Variants in ATG4B observed in about 807,000 individuals in gnomAD.
ATG4B encodes the protein autophagy related 4B cysteine peptidase.
A neutral mutation model predicts 56.6 loss-of-function variants in ATG4B; 29 were observed. That is an observed-to-expected ratio of 0.51 (90% CI 0.38 to 0.70). ATG4B has a LOEUF of 0.70. ATG4B is among the 30% of genes least tolerant of loss of function. The probability of loss-of-function intolerance (pLI) is 0.00; values close to 1 mark genes in which losing one functional copy is unlikely to be tolerated. For missense variants in ATG4B, 461 were observed against 515.5 expected, an observed-to-expected ratio of 0.89 and a Z score of 1.02; for synonymous variants, 224 against 206.1, an observed-to-expected ratio of 1.09 and a Z score of -0.74.
intron 5 of ATG4B, 125 bp downstream of exon 5, chr2:241,654,772 A>G: frequency 2.7e-6 from 2 of 740,724 alleles, no homozygotes; most frequent in East Asian, 2.7e-5. Context: ...ACCTGTAAAC[A>G]CTGACCTCTG....
At chr2:241,645,568 T>G (rs528749885) in intron 1 of ATG4B, among the ~76,000 whole-genome samples, 11 of 152,302 alleles carry the variant, frequency 7.2e-5, no homozygotes, top group African/African-American at 2.6e-4. Context: ...GCACCTTGAC[T>G]TGTCCGTTTC....
At chr2:241,660,926 A>G (rs2068571920) in intron 7 of ATG4B, among the ~76,000 whole-genome samples, 3 of 152,198 alleles carry the variant, frequency 2.0e-5, no homozygotes, top group African/African-American at 7.2e-5. Context: ...TGCTGGGTGC[A>G]GTGGCCAGGA....
chr2:241,660,858 G>A (rs770086922), intron 7 of ATG4B, among the ~76,000 whole-genome samples: 2 of 152,118 alleles, frequency 1.3e-5, no homozygotes, highest in Admixed American at 6.5e-5. Flanking sequence ...TTCCGCACGC[G>A]TGCTCAGGAT....
At chr2:241,669,420 CCA>C (rs1201046812) in intron 10 of ATG4B, among the ~76,000 whole-genome samples, 2 of 152,190 alleles carry the variant, frequency 1.3e-5, no homozygotes, top group Non-Finnish European at 2.9e-5. Flanking sequence ...TGGCGCAGCC[CCA>C]GAGTGCACAC....
chr2:241,671,622 A>T, intron 12 of ATG4B: 1 of 1,486,250 alleles, frequency 6.7e-7, no homozygotes, highest in Non-Finnish European at 9.0e-7. Context: ...CTTCCCCACC[A>T]GCGCTGCCTG....
At chr2:241,655,365 C>T (rs369057731) in intron 6 of ATG4B, 22 bp downstream of exon 6, 25 of 1,595,864 alleles carry the variant, frequency 1.6e-5, no homozygotes, top group Non-Finnish European at 1.9e-5. Flanking sequence ...GCTTCCACTG[C>T]TGAGCATGGG....
chr2:241,672,927 G>T lies in ATG4B; in HGVS notation c.*663G>T, dbSNP rs34127355. The T allele has an allele frequency of 0.58, 93,244 of 161,084 alleles. 27,797 individuals are homozygous for T. The highest frequency in any genetic ancestry group is 0.69 in the Middle Eastern group (216 of 312). 10.0% of individuals were successfully genotyped at this position (161,084 alleles called of 1,614,324 possible). On this transcript the variant is annotated 3_prime_UTR_variant, in exon 13 of 13. Coordinates refer to ENST00000404914, the MANE Select transcript of ATG4B (RefSeq NM_013325.5). ...ATGGCGTGCACAGGACACAGCGTGG[G>T]CGGCCTGGGCAGAAGGGCGGCTGGC... is the stretch of plus-strand genomic sequence containing the variant.
chr2:241,639,245 G>C (rs551313085), intron 1 of ATG4B, among the ~76,000 whole-genome samples: 12 of 152,258 alleles, frequency 7.9e-5, no homozygotes. Flanking sequence ...CCAGCGTCCA[G>C]ACAAAGGGAC....
At chr2:241,649,407 AGT>A (rs1245612308) in intron 1 of ATG4B, among the ~76,000 whole-genome samples, 2 of 152,220 alleles carry the variant, frequency 1.3e-5, no homozygotes, top group African/African-American at 4.8e-5. Context: ...TTCTTATTGA[AGT>A]GTGGGGTTGT....
chr2:241,660,007 TG>T (rs1575078366), intron 7 of ATG4B, among the ~76,000 whole-genome samples: 2 of 152,046 alleles, frequency 1.3e-5, no homozygotes, highest in East Asian at 3.9e-4. Flanking sequence ...CTGGCCAACA[TG>T]GTGAAACCCC....
chr2:241,648,727 G>GA (rs1325791318), intron 1 of ATG4B, among the ~76,000 whole-genome samples: 2 of 152,174 alleles, frequency 1.3e-5, no homozygotes, highest in African/African-American at 4.8e-5. Flanking sequence ...ACTACTCTAG[G>GA]AAAGGGGCAG....
At chr2:241,665,812 C>T (rs746831759) in intron 7 of ATG4B, among the ~76,000 whole-genome samples, 77 of 152,216 alleles carry the variant, frequency 5.1e-4, no homozygotes, top group Non-Finnish European at 9.6e-4. Context: ...TATTGGTTGG[C>T]GTTCTGAGAA....
rs2068408766 is a variant in ATG4B, at chr2:241,656,469, TTGC to T, written c.458+1133_458+1135del. Reference sequence around the variant, plus strand: ...CCACACCCTTCCACTCACACTTCTCTTGCTGCTGCCTGGAGTGGCCCCACCAAG... The same window carrying T: ...CCACACCCTTCCACTCACACTTCTCTTGCTGCCTGGAGTGGCCCCACCAAG... On this transcript the variant is annotated intron_variant, in intron 6 of 12. Coordinates refer to ENST00000404914, the MANE Select transcript of ATG4B (RefSeq NM_013325.5). Among the ~76,000 whole-genome samples the T allele has an allele frequency of 5.9e-5, 9 of 152,276 alleles. 1 individual carries two copies. The South Asian group carries it at 1.9e-3, about 32-fold the overall frequency.
Position 241,653,575 on chromosome 2 carries a change from T to C in ATG4B, c.248T>C (p.Phe83Ser). 2 of 1,578,076 alleles carry C rather than the reference T, an allele frequency of 1.3e-6. No homozygotes were observed. The highest frequency in any genetic ancestry group is 1.7e-6 in the Non-Finnish European group (2 of 1,161,868). The change falls in exon 4 of 13, where the codon TTT (phenylalanine) becomes TCT (serine). Residue 83 changes from phenylalanine (F) to serine (S), a missense_variant. Phe to Ser is a radical substitution (Grantham distance 155). Transcript: ENST00000404914. ...GCMLRCGQMI[F>S]AQALVCRHLG... The stretch of plus-strand genomic sequence containing the variant: ...ATGCTGCGGTGTGGACAGATGATCT[T>C]TGCCCAAGCCCTGGTGTGCCGGCAC...
intron 11 of ATG4B, 88 bp downstream of exon 11, chr2:241,670,870 G>C: frequency 7.3e-7 from 1 of 1,369,766 alleles, no homozygotes. Context: ...CCTGCGTCCA[G>C]GTCTCAGGCA....
chr2:241,653,321 A>G (rs2068278373), intron 3 of ATG4B, 191 bp from the exon 4 acceptor site: 1 of 1,549,052 alleles, frequency 6.5e-7, no homozygotes, highest in African/African-American at 1.4e-5. Flanking sequence ...TTGTCGGGAC[A>G]TTTCACTCTC....
chr2:241,651,922 A>T lies in ATG4B; in HGVS notation c.184+587A>T. The T allele has an allele frequency of 7.7e-7, 1 of 1,304,050 alleles. No individual in the cohort carries two copies. The highest frequency in any genetic ancestry group is 1.0e-6 in the Non-Finnish European group (1 of 988,812). The allele number at this position is 1,304,050 out of a possible 1,614,324, so 80.8% of individuals were successfully genotyped here. On this transcript the variant is annotated intron_variant, in intron 3 of 12. Transcript: ENST00000404914. This position sits in a 1 kb window ranked among gnomAD's most constrained non-coding sequence, Gnocchi z 4.1. ...TTGTATACCCTGGAGCTGGAAGGAG[A>T]TGGGGACTGGTTCTCAGCCTTGCCT...
chr2:241,647,046 A>C (rs1381097531), intron 1 of ATG4B, among the ~76,000 whole-genome samples: 1 of 151,850 alleles, frequency 6.6e-6, no homozygotes, highest in Admixed American at 6.6e-5. Flanking sequence ...GGCCTCCCCA[A>C]GTGCTGGGAT....
intron 1 of ATG4B, among the ~76,000 whole-genome samples, chr2:241,641,819 C>T (rs977862810): frequency 6.6e-6 from 1 of 152,134 alleles, no homozygotes; most frequent in Non-Finnish European, 1.5e-5. Flanking sequence ...AAGGCCTCTG[C>T]GGGTGTGGAG....
Sources: gnomAD v4.1 joint callset for allele counts (sites outside exome capture counted in the v4.1 genomes callset) on GRCh38, gnomAD v4.1.1 for gene constraint, Gnocchi (gnomAD v3.1) non-coding constraint, MANE v1.5 for transcripts, NCBI Gene and HGNC (gene_info 2026-07-23, HGNC 2026-07-21) for gene names.